FAM227B: variants seen among roughly 807,000 people sequenced by gnomAD.
The protein encoded by FAM227B is family with sequence similarity 227 member B, also known as protein FAM227B.
In FAM227B, 88 loss-of-function variants were observed where a neutral mutation model predicts 73.8. The observed-to-expected ratio is 1.19, with a 90% CI of 1.00 to 1.42. FAM227B has a LOEUF of 1.42. FAM227B is among the 40% of genes most tolerant of loss of function. The pLI, the probability that FAM227B is intolerant of heterozygous loss-of-function variation, is 0.00. For missense variants in FAM227B, 632 were observed against 590.9 expected, an observed-to-expected ratio of 1.07 and a Z score of -0.72; for synonymous variants, 210 against 190.5, an observed-to-expected ratio of 1.10 and a Z score of -0.84.
chr15:49,583,099 C>T (rs985632535), intron 5 of FAM227B, among the ~76,000 whole-genome samples: 1 of 151,820 alleles, frequency 6.6e-6, no homozygotes, highest in Non-Finnish European at 1.5e-5. Context: ...AAACCCAAAG[C>T]TAGCAGAAGA....
At chr15:49,544,601 C>G (rs917173968) in intron 9 of FAM227B, among the ~76,000 whole-genome samples, 42 of 152,232 alleles carry the variant, frequency 2.8e-4, no homozygotes, top group African/African-American at 8.9e-4. Context: ...GGGGGCAATG[C>G]TTTCAACTTC....
chr15:49,392,196 G>A (rs1337155901), intron 11 of FAM227B, among the ~76,000 whole-genome samples: 1 of 152,060 alleles, frequency 6.6e-6, no homozygotes, highest in Non-Finnish European at 1.5e-5. Flanking sequence ...GAAACTTCTA[G>A]GATGCAAAAG....
intron 8 of FAM227B, among the ~76,000 whole-genome samples, chr15:49,573,782 T>A (rs1336282588): frequency 1.3e-5 from 2 of 152,222 alleles, no homozygotes; most frequent in Non-Finnish European, 2.9e-5. Context: ...TGTCAATTAG[T>A]CAAGTTGCTT....
intron 8 of FAM227B, 121 bp downstream of exon 8, chr15:49,574,890 C>T: frequency 1.8e-6 from 1 of 546,258 alleles, no homozygotes; most frequent in Non-Finnish European, 3.2e-6. Context: ...GTGTGGAATG[C>T]TCAAAAACTA....
chr15:49,401,743 T>G (rs970220829), intron 11 of FAM227B, among the ~76,000 whole-genome samples: 2 of 133,134 alleles, frequency 1.5e-5, no homozygotes, highest in African/African-American at 5.5e-5. Flanking sequence ...CAGTAAACTA[T>G]CGCAAGAACA....
intron 9 of FAM227B, among the ~76,000 whole-genome samples, chr15:49,542,466 T>C (rs72729175): frequency 0.11 from 16,185 of 151,940 alleles, 1,219 homozygotes; most frequent in East Asian, 0.36. Context: ...TAGGCTTTTA[T>C]CCCTCATCTC....
At chr15:49,619,916 A>G (rs550438659) in intron 1 of FAM227B, among the ~76,000 whole-genome samples, 2 of 152,236 alleles carry the variant, frequency 1.3e-5, no homozygotes, top group Non-Finnish European at 2.9e-5. Context: ...ATACACGCAT[A>G]TATACAATTA....
chr15:49,582,833 A>G (rs2075899067), intron 5 of FAM227B, among the ~76,000 whole-genome samples: 1 of 152,120 alleles, frequency 6.6e-6, no homozygotes, highest in African/African-American at 2.4e-5. Flanking sequence ...ACTCAAAACC[A>G]TACAACTACA....
chr15:49,611,610 A>G (rs999542506), intron 2 of FAM227B, among the ~76,000 whole-genome samples: 2 of 152,236 alleles, frequency 1.3e-5, no homozygotes, highest in African/African-American at 4.8e-5. Context: ...TAATAAATCC[A>G]GAGCCAAAAA....
chr15:49,612,426 A>G (rs564728352), intron 2 of FAM227B, among the ~76,000 whole-genome samples: 1 of 152,212 alleles, frequency 6.6e-6, no homozygotes, highest in South Asian at 2.1e-4. Flanking sequence ...TGAACTCATC[A>G]TTTTTTATGG....
intron 13 of FAM227B, among the ~76,000 whole-genome samples, chr15:49,357,487 G>C (rs964166794): frequency 2.0e-5 from 3 of 152,128 alleles, no homozygotes; most frequent in African/African-American, 7.2e-5. Context: ...AAATCTAGAA[G>C]AAATAATGGA....
chr15:49,576,866 C>A, intron 6 of FAM227B, 21 bp from the exon 7 acceptor site: 1 of 1,439,240 alleles, frequency 6.9e-7, no homozygotes, highest in Non-Finnish European at 9.7e-7. Flanking sequence ...GAAAATATAA[C>A]AGGAGAGTAA....
chr15:49,463,932 T>A (rs67031905), intron 11 of FAM227B, among the ~76,000 whole-genome samples: 16,299 of 151,818 alleles, frequency 0.11, 1,240 homozygotes, highest in East Asian at 0.36. Flanking sequence ...TTTGTTTGTT[T>A]TTTGTTTGTT....
At chr15:49,583,539 A>G (rs2075953069) in intron 5 of FAM227B, among the ~76,000 whole-genome samples, 1 of 152,072 alleles carries the variant, frequency 6.6e-6, no homozygotes, top group Non-Finnish European at 1.5e-5. Context: ...GTTGTTTAGC[A>G]TATCATCAAA....
At chr15:49,482,659 C>G (rs1034277589) in intron 11 of FAM227B, among the ~76,000 whole-genome samples, 2 of 151,966 alleles carry the variant, frequency 1.3e-5, no homozygotes, top group African/African-American at 4.8e-5. Context: ...TCCAGTTCTG[C>G]TACTTATCAG....
chr15:49,343,303 T>TG (rs2041013771), intron 13 of FAM227B, among the ~76,000 whole-genome samples: 1 of 152,150 alleles, frequency 6.6e-6, no homozygotes, highest in South Asian at 2.1e-4. Context: ...TTCTTCTGCT[T>TG]GGAACAGTCT....
intron 11 of FAM227B, among the ~76,000 whole-genome samples, chr15:49,385,923 A>G (rs1209867602): frequency 6.6e-6 from 1 of 151,942 alleles, no homozygotes; most frequent in South Asian, 2.1e-4. Context: ...TTATATTGAT[A>G]AAAGGATCAA....
At chr15:49,573,504 G>C (rs958187221) in intron 8 of FAM227B, among the ~76,000 whole-genome samples, 3 of 152,106 alleles carry the variant, frequency 2.0e-5, no homozygotes, top group African/African-American at 7.2e-5. Flanking sequence ...GAGGTGTTTG[G>C]GTCTTGGGGA....
chr15:49,416,850 A>C (rs1174128255), intron 11 of FAM227B, among the ~76,000 whole-genome samples: 1 of 152,060 alleles, frequency 6.6e-6, no homozygotes, highest in Non-Finnish European at 1.5e-5. Context: ...AAAGATCTCC[A>C]AAATGAAAAT....
Sources: gnomAD v4.1 joint callset for allele counts (sites outside exome capture counted in the v4.1 genomes callset) on GRCh38, gnomAD v4.1.1 for gene constraint, MANE v1.5 for transcripts, NCBI Gene and HGNC (gene_info 2026-07-23, HGNC 2026-07-21) for gene names.